ATP10B: variants seen among roughly 807,000 people sequenced by gnomAD.
ATP10B encodes phospholipid-transporting ATPase VB.
ATP10B carries 122 observed loss-of-function variants against 141.2 expected under a neutral mutation model. The ratio of observed to expected loss-of-function variants is 0.86; its 90% CI spans 0.75 to 1.00. The LOEUF (loss-of-function observed/expected upper bound fraction) is 1.00. Among genes scored for constraint, ATP10B ranks in the 50% least tolerant of loss-of-function variants. The pLI, the probability that ATP10B is intolerant of heterozygous loss-of-function variation, is 0.00. For missense variants in ATP10B, 1,876 were observed against 1,825.3 expected, an observed-to-expected ratio of 1.03 and a Z score of -0.51; for synonymous variants, 685 against 692.0, an observed-to-expected ratio of 0.99 and a Z score of 0.16.
intron 1 of ATP10B, among the ~76,000 whole-genome samples, chr5:160,807,727 TATA>T (rs915189081): frequency 2.0e-5 from 3 of 152,146 alleles, no homozygotes; most frequent in African/African-American, 7.2e-5. Flanking sequence ...TCATACAATA[TATA>T]ATATTCTAGA....
At chr5:160,583,089 C>T (rs573213806) in intron 24 of ATP10B, among the ~76,000 whole-genome samples, 1 of 152,330 alleles carries the variant, frequency 6.6e-6, no homozygotes, top group East Asian at 1.9e-4. Context: ...GTCAATTCAT[C>T]AAACTCATTC....
In ATP10B at chr5:160,849,990, G is replaced by A. The variant is rs116409958; in HGVS notation, c.-576+1951C>T. ...GCCTGGCTAAGTTTTACTTTAAGGA[G>A]AGTGGGTAAATGGGTAGAATCAGTC... is the stretch of plus-strand genomic sequence containing the variant. On this transcript the variant is annotated intron_variant, in intron 1 of 25. Transcript: ENST00000327245. 6.0e-3 allele frequency among the ~76,000 whole-genome samples: 920 copies of A among 152,302 alleles called. 13 individuals carry two copies. The highest frequency in any genetic ancestry group is 0.021 in the African/African-American group (876 of 41,558).
intron 2 of ATP10B, among the ~76,000 whole-genome samples, chr5:160,728,363 TC>T (rs905218197): frequency 2.0e-5 from 3 of 152,188 alleles, no homozygotes; most frequent in African/African-American, 4.8e-5. Flanking sequence ...TTGATTGAGA[TC>T]TTTGCTTTAG....
chr5:160,708,929 C>G (rs1246348955), intron 3 of ATP10B, among the ~76,000 whole-genome samples: 1 of 152,152 alleles, frequency 6.6e-6, no homozygotes, highest in African/African-American at 2.4e-5. Context: ...TGATAGCAAG[C>G]AGACAAATGA....
chr5:160,707,008 T>G (rs907115871), intron 3 of ATP10B, among the ~76,000 whole-genome samples: 1 of 152,162 alleles, frequency 6.6e-6, no homozygotes, highest in African/African-American at 2.4e-5. Context: ...TGGAGTGCAG[T>G]GGCTCTGAGT....
At chr5:160,695,855 C>G (rs1372641245) in intron 3 of ATP10B, among the ~76,000 whole-genome samples, 8 of 151,920 alleles carry the variant, frequency 5.3e-5, no homozygotes, top group Admixed American at 5.2e-4. Flanking sequence ...TTTTAAAGCA[C>G]TCTACCCTGA....
intron 1 of ATP10B, among the ~76,000 whole-genome samples, chr5:160,826,199 G>T (rs531870458): frequency 2.6e-5 from 4 of 151,978 alleles, no homozygotes; most frequent in African/African-American, 4.8e-5. Context: ...TGAGTTGAAT[G>T]GTAGCTCTGC....
the ATP10B span, among the ~76,000 whole-genome samples, chr5:160,918,910 T>A: frequency 6.6e-6 from 1 of 152,078 alleles, no homozygotes; most frequent in South Asian, 2.1e-4. Flanking sequence ...AGCATTTTAG[T>A]GTTACTATGA....
intron 18 of ATP10B, chr5:160,612,483 T>C (rs767336711): frequency 1.3e-5 from 4 of 306,248 alleles, no homozygotes; most frequent in African/African-American, 2.2e-5. Flanking sequence ...ATAGTAGAAT[T>C]TGGGAGAGGT....
intron 2 of ATP10B, among the ~76,000 whole-genome samples, chr5:160,742,860 A>G (rs1340744175): frequency 6.6e-6 from 1 of 152,190 alleles, no homozygotes; most frequent in Non-Finnish European, 1.5e-5. Flanking sequence ...ATGATGAAAT[A>G]AGTTTTAATT....
intron 2 of ATP10B, among the ~76,000 whole-genome samples, chr5:160,770,818 TAAGTA>T (rs1173811426): frequency 1.3e-5 from 2 of 152,216 alleles, no homozygotes; most frequent in African/African-American, 2.4e-5. Context: ...TAAATAGTAT[TAAGTA>T]AACTACTGAA....
the ATP10B span, among the ~76,000 whole-genome samples, chr5:160,902,878 T>G: frequency 2.6e-5 from 4 of 152,172 alleles, no homozygotes; most frequent in African/African-American, 9.7e-5. Context: ...AAAGGGGTCC[T>G]CTGTGTAAGC....
chr5:160,861,478 A>C, the ATP10B span, among the ~76,000 whole-genome samples: 1 of 151,926 alleles, frequency 6.6e-6, no homozygotes. Flanking sequence ...ATTTAAATAG[A>C]TACTTTATAG....
chr5:160,617,869 T>G lies in ATP10B; in HGVS notation c.2521A>C (p.Lys841Gln), dbSNP rs749255291. Residue 841 changes from lysine to glutamine, a missense_variant, in exon 16 of 26, where the codon AAG becomes CAG. Lys to Gln is a moderately conservative substitution (Grantham distance 53). Coordinates refer to ENST00000327245, the MANE Select transcript of ATP10B (RefSeq NM_025153.3). Reference sequence around the variant, plus strand: ...CTTGGAGGAATTGTTCTTACCTTCTTGGCAATGCATAGTGTGCGCAGGCCA... The same window carrying G: ...CTTGGAGGAATTGTTCTTACCTTCTGGGCAATGCATAGTGTGCGCAGGCCA... ...RDGLRTLCIA[K>Q]KVVSEEDFRR... The G allele has an allele frequency of 2.7e-5, 43 of 1,613,554 alleles. No homozygotes were observed. The highest frequency in any genetic ancestry group is 3.6e-5 in the Non-Finnish European group (42 of 1,179,534).
At chr5:160,883,831 TTGAGTCATTA>T in the ATP10B span, among the ~76,000 whole-genome samples, 1 of 152,162 alleles carries the variant, frequency 6.6e-6, no homozygotes, top group African/African-American at 2.4e-5. Flanking sequence ...TATTAAGAGT[TTGAGTCATTA>T]TGGCTGCTTT....
the ATP10B span, among the ~76,000 whole-genome samples, chr5:160,926,923 G>A: frequency 1.3e-5 from 2 of 152,216 alleles, no homozygotes; most frequent in Admixed American, 6.5e-5. Context: ...GTGGAGCTGT[G>A]TGCTTTTGAG....
chr5:160,706,945 A>G (rs986187351), intron 3 of ATP10B, among the ~76,000 whole-genome samples: 2 of 151,092 alleles, frequency 1.3e-5, no homozygotes, highest in African/African-American at 4.9e-5. Flanking sequence ...TTGTTTTAAT[A>G]TTTATTTATT....
chr5:160,879,095 A>T, the ATP10B span, among the ~76,000 whole-genome samples: 1 of 65,454 alleles, frequency 1.5e-5, no homozygotes, highest in Non-Finnish European at 3.0e-5. Context: ...ACGTATGTTT[A>T]TTGTGGCATT....
chr5:160,900,835 A>G, the ATP10B span, among the ~76,000 whole-genome samples: 3 of 150,742 alleles, frequency 2.0e-5, no homozygotes, highest in Non-Finnish European at 3.0e-5. Context: ...TGATGAACAC[A>G]TATTACTCAT....
Sources: gnomAD v4.1 joint callset for allele counts (sites outside exome capture counted in the v4.1 genomes callset) on GRCh38, gnomAD v4.1.1 for gene constraint, MANE v1.5 for transcripts, NCBI Gene and HGNC (gene_info 2026-07-23, HGNC 2026-07-21) for gene names.